Variants in FRMPD4 observed in about 807,000 individuals in gnomAD.
FRMPD4 encodes FERM and PDZ domain-containing protein 4.
Under a neutral mutation model 94.1 loss-of-function variants are expected in FRMPD4, and 22 were observed. The observed-to-expected ratio is 0.23, with a 90% confidence interval of 0.17 to 0.33. FRMPD4 has a LOEUF of 0.33. Among genes scored for constraint, FRMPD4 ranks in the 10% least tolerant of loss-of-function variants. FRMPD4 has a pLI of 1.00. For missense variants in FRMPD4, 1,111 were observed against 1,339.9 expected, an observed-to-expected ratio of 0.83 and a Z score of 2.67; for synonymous variants, 631 against 548.6, an observed-to-expected ratio of 1.15 and a Z score of -2.10.
At chrX:12,039,538 T>G (rs1166607824) in intron 3 of FRMPD4, among the ~76,000 whole-genome samples, 1 of 111,534 alleles carries the variant, frequency 9.0e-6, no homozygotes, top group Non-Finnish European at 1.9e-5. Flanking sequence ...AATTTTCTAT[T>G]TTTTTGTTGT....
intron 1 of FRMPD4, among the ~76,000 whole-genome samples, chrX:12,417,385 C>T (rs955528525): frequency 1.8e-5 from 2 of 108,867 alleles, no homozygotes; most frequent in Non-Finnish European, 3.8e-5. Flanking sequence ...TCTAGACCAG[C>T]CTGGCCAACA....
At chrX:12,107,449 A>G (rs1185083840) in intron 3 of FRMPD4, among the ~76,000 whole-genome samples, 1 of 112,210 alleles carries the variant, frequency 8.9e-6, no homozygotes, top group Non-Finnish European at 1.9e-5. Context: ...AAGATGGGGA[A>G]AAAACAGAGC....
At chrX:12,591,439 A>G (rs5979675) in intron 2 of FRMPD4, among the ~76,000 whole-genome samples, 9,385 of 111,442 alleles carry the variant, frequency 0.084, 935 homozygotes, top group African/African-American at 0.29. Context: ...ATGTGGACCT[A>G]TGCAGTTCAA....
At chrX:12,551,628 C>T (rs979289969) in intron 2 of FRMPD4, among the ~76,000 whole-genome samples, 2 of 111,068 alleles carry the variant, frequency 1.8e-5, no homozygotes, top group Non-Finnish European at 3.8e-5. Context: ...AGGTTTTTAT[C>T]TCTGGATTTT....
intron 3 of FRMPD4, among the ~76,000 whole-genome samples, chrX:11,886,638 A>G (rs1030602528): frequency 1.8e-5 from 2 of 111,729 alleles, no homozygotes; most frequent in Non-Finnish European, 1.9e-5. Flanking sequence ...TTGCCCAGGA[A>G]GACCATCTCC....
chrX:12,656,945 G>C (rs2059663078), intron 4 of FRMPD4, among the ~76,000 whole-genome samples: 3 of 110,790 alleles, frequency 2.7e-5, no homozygotes, highest in Admixed American at 9.6e-5. Context: ...AATTAGCCAG[G>C]TGTGGTGGCG....
At chrX:12,709,090 CAGAAATG>C (rs1300090026) in intron 13 of FRMPD4, 1 of 113,593 alleles carries the variant, frequency 8.8e-6, no homozygotes, top group East Asian at 2.8e-4. Context: ...CTGTCCTAAA[CAGAAATG>C]AGTGTCGTGC....
intron 3 of FRMPD4, among the ~76,000 whole-genome samples, chrX:12,031,252 A>T (rs923837078): frequency 8.9e-6 from 1 of 112,379 alleles, no homozygotes; most frequent in African/African-American, 3.2e-5. Flanking sequence ...AGCATGCATC[A>T]TCTTTGTCAA....
rs1248519913 is a variant in FRMPD4, at chrX:11,964,252, T to C, written c.95+86234T>C. 2.7e-5 allele frequency among the ~76,000 whole-genome samples: 3 copies of C among 109,949 alleles called. No individual in the cohort carries two copies. In the South Asian group the frequency reaches 1.2e-3, roughly 44 times the overall value. On this transcript the variant is annotated intron_variant, in intron 3 of 18. Transcript: ENST00000640291. ...TCGGCTCACTGCAAGTTCCGCCTCC[T>C]GGGTTCACGCCAATCTCCTGCCTCA...
At chrX:12,380,378 G>GACTC (rs1465355387) in intron 1 of FRMPD4, among the ~76,000 whole-genome samples, 1 of 112,115 alleles carries the variant, frequency 8.9e-6, no homozygotes, top group Non-Finnish European at 1.9e-5. Flanking sequence ...AGCAGAAGAG[G>GACTC]ACTCATACCA....
At chrX:12,657,469 T>A (rs1602271897) in intron 4 of FRMPD4, among the ~76,000 whole-genome samples, 1 of 111,780 alleles carries the variant, frequency 8.9e-6, no homozygotes, top group Middle Eastern at 4.6e-3. Flanking sequence ...TGAGAGAGAG[T>A]GAGCCCACAG....
chrX:12,530,888 G>A (rs2058278522), intron 2 of FRMPD4, among the ~76,000 whole-genome samples: 1 of 111,714 alleles, frequency 9.0e-6, no homozygotes, highest in Non-Finnish European at 1.9e-5. Context: ...TAGTTGGATG[G>A]GTAGGTAGGT....
rs58743575 is a variant in FRMPD4, at chrX:11,827,087, A to ATATATATATATATATAT, written c.-161+4372_-161+4373insTATATATATATATATAT. Among the ~76,000 whole-genome samples the ATATATATATATATATAT allele has an allele frequency of 4.0e-4, 33 of 83,268 alleles. 1 individual carries two copies. Among genetic ancestry groups the ATATATATATATATATAT allele is most frequent in the East Asian group, 2.8e-3 (7 of 2,478 alleles). The allele number at this position is 83,268 out of a possible 115,157, so 72.3% of individuals were successfully genotyped here. A position where few individuals can be genotyped will look rare whatever the true frequency, so the allele number is the denominator to read the frequency against. On this transcript the variant is annotated intron_variant, in intron 1 of 18. Coordinates refer to the FRMPD4 transcript ENST00000640291. ...TTATATATATATATATATATATATA[A>ATATATATATATATATAT]AATATATATGTTCTGTATATAACAT...
At chrX:12,680,059 G>T (rs2059952050) in intron 5 of FRMPD4, among the ~76,000 whole-genome samples, 1 of 111,943 alleles carries the variant, frequency 8.9e-6, no homozygotes, top group South Asian at 3.8e-4. Context: ...GGAATTGCAA[G>T]TTCAAGACCT....
At chrX:12,203,476 T>C (rs1164838805) in intron 1 of FRMPD4, among the ~76,000 whole-genome samples, 1 of 111,895 alleles carries the variant, frequency 8.9e-6, no homozygotes, top group Non-Finnish European at 1.9e-5. Flanking sequence ...GTGAATAATG[T>C]CTTCTCTTTC....
rs760641645 is a variant in FRMPD4 at position 11,983,476 on chromosome X, C to T, written c.95+105458C>T. ...TTACCTCTTGGGATTTCTGCTTTTA[C>T]TCAATTTTGCCCTCCGGATTTTTTA... On this transcript the variant is annotated intron_variant, in intron 3 of 18. Transcript: ENST00000640291. Among the ~76,000 whole-genome samples, 3 of 112,166 alleles carry T rather than the reference C, an allele frequency of 2.7e-5. No individual in the cohort carries two copies. The South Asian group carries it at 1.1e-3, about 41-fold the overall frequency.
chrX:12,384,008 A>C lies in FRMPD4; in HGVS notation c.42-114672A>C, dbSNP rs758074736. 2.0e-4 allele frequency among the ~76,000 whole-genome samples: 22 copies of C among 111,359 alleles called. No individual in the cohort carries two copies. The South Asian group carries it at 5.4e-3, about 27-fold the overall frequency. The stretch of plus-strand genomic sequence containing the variant: ...CTCACAGTTGGATGCCAGAACTGGA[A>C]GTAAAATTGTTTCTAACTCATCACC... On this transcript the variant is annotated intron_variant, in intron 1 of 16. Coordinates refer to ENST00000675598, the MANE Select transcript of FRMPD4 (RefSeq NM_001368397.1).
At chrX:12,501,108 A>G in intron 2 of FRMPD4, among the ~76,000 whole-genome samples, 2 of 112,391 alleles carry the variant, frequency 1.8e-5, no homozygotes, top group South Asian at 7.5e-4. Context: ...CTCTGCCTTC[A>G]TGCATTACCA....
At chrX:12,488,615 T>A (rs2057761408) in intron 1 of FRMPD4, among the ~76,000 whole-genome samples, 1 of 92,133 alleles carries the variant, frequency 1.1e-5, no homozygotes, top group South Asian at 6.5e-4. Context: ...GGTCAAATGC[T>A]ATGGAAAATA....
Sources: gnomAD v4.1 joint callset for allele counts (sites outside exome capture counted in the v4.1 genomes callset) on GRCh38, gnomAD v4.1.1 for gene constraint, MANE v1.5 for transcripts, NCBI Gene and HGNC (gene_info 2026-07-23, HGNC 2026-07-21) for gene names.